The following HCN1 variants were observed in gnomAD, a reference collection of about 807,000 sequenced individuals.
HCN1 encodes the protein hyperpolarization activated cyclic nucleotide gated potassium channel 1.
A neutral mutation model predicts 78.9 loss-of-function variants in HCN1; 13 were observed. The observed-to-expected ratio is 0.16, with a 90% CI of 0.11 to 0.26. HCN1 has a LOEUF of 0.26. HCN1 is among the 10% of genes least tolerant of loss of function. HCN1 has a pLI of 1.00. For missense variants in HCN1, 810 were observed against 1,154.3 expected, an observed-to-expected ratio of 0.70 and a Z score of 4.32; for synonymous variants, 552 against 455.5, an observed-to-expected ratio of 1.21 and a Z score of -2.70.
At chr5:45,271,561 C>T (rs2111853538) in intron 6 of HCN1, among the ~76,000 whole-genome samples, 1 of 152,198 alleles carries the variant, frequency 6.6e-6, no homozygotes, top group South Asian at 2.1e-4. Flanking sequence ...AAAAGTAAAA[C>T]TCAATTATGT....
intron 3 of HCN1, among the ~76,000 whole-genome samples, chr5:45,444,513 C>G (rs1740745143): frequency 6.6e-6 from 1 of 152,042 alleles, no homozygotes; most frequent in Admixed American, 6.6e-5. Flanking sequence ...GTTATAGTCA[C>G]AAAAACCCTT....
intron 5 of HCN1, among the ~76,000 whole-genome samples, chr5:45,338,343 T>C (rs1746507203): frequency 6.6e-6 from 1 of 152,134 alleles, no homozygotes; most frequent in South Asian, 2.1e-4. Context: ...CCTCAAATTA[T>C]GCAATACTTT....
At chr5:45,374,167 C>T (rs1401629074) in intron 4 of HCN1, among the ~76,000 whole-genome samples, 1 of 85,080 alleles carries the variant, frequency 1.2e-5, no homozygotes, top group Non-Finnish European at 2.3e-5. Flanking sequence ...ACATTATATA[C>T]ATAATATATA....
chr5:45,324,677 A>T (rs1746200082), intron 5 of HCN1, among the ~76,000 whole-genome samples: 1 of 151,842 alleles, frequency 6.6e-6, no homozygotes, highest in Non-Finnish European at 1.5e-5. Context: ...GACACTTGGA[A>T]AAATAAGATT....
At chr5:45,628,512 T>C (rs1179453365) in intron 2 of HCN1, among the ~76,000 whole-genome samples, 1 of 152,168 alleles carries the variant, frequency 6.6e-6, no homozygotes, top group East Asian at 1.9e-4. Context: ...TAGAAGCATA[T>C]TAATAAGTAT....
chr5:45,356,176 T>C (rs983856815), intron 4 of HCN1, among the ~76,000 whole-genome samples: 1 of 151,998 alleles, frequency 6.6e-6, no homozygotes, highest in African/African-American at 2.4e-5. Context: ...CTAATAGTTG[T>C]AGTAATATAC....
At chr5:45,544,848 A>G (rs1743178311) in intron 2 of HCN1, among the ~76,000 whole-genome samples, 1 of 152,118 alleles carries the variant, frequency 6.6e-6, no homozygotes, top group African/African-American at 2.4e-5. Context: ...CCAGTCTATC[A>G]CTGATGGACA....
chr5:45,451,925 A>G (rs1420033100), intron 3 of HCN1, among the ~76,000 whole-genome samples: 2 of 152,142 alleles, frequency 1.3e-5, no homozygotes, highest in African/African-American at 4.8e-5. Context: ...ATCTCTAAAT[A>G]CACATCATTT....
intron 2 of HCN1, among the ~76,000 whole-genome samples, chr5:45,513,478 CAAAG>C (rs572109968): frequency 5.6e-4 from 86 of 152,232 alleles, no homozygotes; most frequent in African/African-American, 1.9e-3. Context: ...CAAAGCCAGA[CAAAG>C]TAGTTATATA....
chr5:45,375,110 ATAT>A (rs1747579347), intron 4 of HCN1, among the ~76,000 whole-genome samples: 1 of 122,808 alleles, frequency 8.1e-6, no homozygotes, highest in African/African-American at 3.1e-5. Context: ...ATTTTATAAT[ATAT>A]AATATATTAT....
At chr5:45,325,703 T>A (rs1746221642) in intron 5 of HCN1, among the ~76,000 whole-genome samples, 1 of 151,710 alleles carries the variant, frequency 6.6e-6, no homozygotes, top group Non-Finnish European at 1.5e-5. Flanking sequence ...CTAGCAGATC[T>A]TAATGAATTA....
At chr5:45,301,325 A>G (rs1004879427) in intron 6 of HCN1, among the ~76,000 whole-genome samples, 1 of 151,680 alleles carries the variant, frequency 6.6e-6, no homozygotes, top group African/African-American at 2.4e-5. Context: ...ATACTAAAAA[A>G]TGTATTTAGA....
Position 45,255,134 on chromosome 5 carries a change from C to G in HCN1, c.*6787G>C, listed in dbSNP as rs1387279579. ...CATATTAGTTTTCTCTTCCCTGGTTCTAACTAGCAAGTGCCAGGAGGCAGG... is the reference window on the plus strand; with the variant it reads ...CATATTAGTTTTCTCTTCCCTGGTTGTAACTAGCAAGTGCCAGGAGGCAGG... On this transcript the variant is annotated 3_prime_UTR_variant, in exon 8 of 8. Coordinates refer to ENST00000303230, the MANE Select transcript of HCN1 (RefSeq NM_021072.4). 1 of 152,178 alleles carries G rather than the reference C, an allele frequency of 6.6e-6. No homozygotes were observed. The highest frequency in any genetic ancestry group is 1.5e-5 in the Non-Finnish European group (1 of 68,038). 9.4% of individuals were successfully genotyped at this position (152,178 alleles called of 1,614,324 possible). A position where few individuals can be genotyped will look rare whatever the true frequency, so the allele number is the denominator to read the frequency against.
At chr5:45,622,009 A>C (rs1410849276) in intron 2 of HCN1, among the ~76,000 whole-genome samples, 1 of 152,110 alleles carries the variant, frequency 6.6e-6, no homozygotes, top group East Asian at 1.9e-4. Context: ...TCACGAGGTC[A>C]GGAGATCGAG....
intron 2 of HCN1, among the ~76,000 whole-genome samples, chr5:45,522,575 G>A (rs1216567567): frequency 6.6e-6 from 1 of 151,100 alleles, no homozygotes; most frequent in African/African-American, 2.4e-5. Flanking sequence ...TGACTTAGTA[G>A]AAATCCTTAA....
At chr5:45,334,241 A>G (rs970325848) in intron 5 of HCN1, among the ~76,000 whole-genome samples, 3 of 151,870 alleles carry the variant, frequency 2.0e-5, no homozygotes, top group African/African-American at 7.2e-5. Context: ...TTTGAACCAA[A>G]TGAGAAGCTG....
chr5:45,553,943 A>C (rs534919189), intron 2 of HCN1, among the ~76,000 whole-genome samples: 1 of 151,892 alleles, frequency 6.6e-6, no homozygotes, highest in Non-Finnish European at 1.5e-5. Context: ...AAAGTGAAAG[A>C]TTCTATTAGT....
In HCN1 at chr5:45,695,814, T is replaced by A; in HGVS notation, c.280A>T (p.Met94Leu). ...AEGPRRQYGF[M>L]QRQFTSMLQP... ...AGCATGGAGGTGAACTGCCTCTGCA[T>A]GAAGCCGTACTGCCGCCGGGGCCCC... The change falls in exon 1 of 8, where the codon ATG becomes TTG. Residue 94 changes from methionine to leucine, a missense_variant. Physicochemically the swap from Met to Leu is conservative, Grantham distance 15. Transcript: ENST00000303230. The A allele has an allele frequency of 6.2e-7, 1 of 1,609,270 alleles. No individual in the cohort carries two copies. The highest frequency in any genetic ancestry group is 1.1e-5 in the South Asian group (1 of 91,020).
chr5:45,468,149 A>T (rs182028036), intron 2 of HCN1, among the ~76,000 whole-genome samples: 14 of 152,264 alleles, frequency 9.2e-5, no homozygotes, highest in Admixed American at 6.5e-4. Flanking sequence ...TTATTTCCCA[A>T]ATGGTGTATC....
Sources: gnomAD v4.1 joint callset for allele counts (sites outside exome capture counted in the v4.1 genomes callset) on GRCh38, gnomAD v4.1.1 for gene constraint, MANE v1.5 for transcripts, NCBI Gene and HGNC (gene_info 2026-07-23, HGNC 2026-07-21) for gene names.